The following ABCB9 variants were observed in gnomAD, a reference collection of about 807,000 sequenced individuals.
ABCB9 encodes the protein ABC-type oligopeptide transporter ABCB9.
In ABCB9, 36 loss-of-function variants were observed where a neutral mutation model predicts 62.0. The observed-to-expected ratio is 0.58, with a 90% CI of 0.45 to 0.77. The LOEUF (loss-of-function observed/expected upper bound fraction) is 0.77. ABCB9 is among the 30% of genes least tolerant of loss of function. The pLI is 0.00. For missense variants in ABCB9, 943 were observed against 1,054.7 expected, an observed-to-expected ratio of 0.89 and a Z score of 1.47; for synonymous variants, 435 against 461.4, an observed-to-expected ratio of 0.94 and a Z score of 0.73.
upstream of ABCB9, among the ~76,000 whole-genome samples, chr12:122,969,723 AC>A (rs1289107138): frequency 6.8e-6 from 1 of 146,080 alleles, no homozygotes; most frequent in Non-Finnish European, 1.5e-5. Flanking sequence ...GGCGACAGAG[AC>A]CCTGTCTCAA....
intron 2 of ABCB9, among the ~76,000 whole-genome samples, chr12:122,956,305 G>T (rs1303146564): frequency 6.6e-6 from 1 of 152,184 alleles, no homozygotes; most frequent in African/African-American, 2.4e-5. Flanking sequence ...AGAAGAGGAG[G>T]CTAAGACTTA....
upstream of ABCB9, among the ~76,000 whole-genome samples, chr12:122,969,674 C>T (rs1029226025): frequency 3.3e-5 from 5 of 150,598 alleles, no homozygotes; most frequent in Non-Finnish European, 7.4e-5. Context: ...GATGTTGAGG[C>T]TGCAATGAGC....
chr12:122,934,004 G>C (rs1162431285), intron 10 of ABCB9, among the ~76,000 whole-genome samples: 3 of 152,152 alleles, frequency 2.0e-5, no homozygotes, highest in Non-Finnish European at 4.4e-5. Flanking sequence ...ACCACTTTGG[G>C]AAGCCAAGGC....
Position 122,940,326 on chromosome 12 carries a change from G to C in ABCB9, c.1570-42C>G. Reference sequence around the variant, plus strand: ...GGCACAGTGCGGGGTTATCGGCTCAGGTCCCAGGACTGGATGCCCTGACCT... The same window carrying C: ...GGCACAGTGCGGGGTTATCGGCTCACGTCCCAGGACTGGATGCCCTGACCT... On this transcript the variant is annotated intron_variant, in intron 8 of 11. Transcript: ENST00000280560. This position sits in a 1 kb window ranked among gnomAD's most constrained non-coding sequence, Gnocchi z 4.8. 1.3e-6 allele frequency: 2 copies of C among 1,523,832 alleles called. No homozygotes were observed. The highest frequency in any genetic ancestry group is 1.8e-6 in the Non-Finnish European group (2 of 1,133,478). The allele number at this position is 1,523,832 out of a possible 1,614,324, so 94.4% of individuals were successfully genotyped here. A position where few individuals can be genotyped will look rare whatever the true frequency, so the allele number is the denominator to read the frequency against.
intron 1 of ABCB9, among the ~76,000 whole-genome samples, chr12:122,973,739 T>C (rs956905934): frequency 6.6e-6 from 1 of 151,872 alleles, no homozygotes; most frequent in African/African-American, 2.4e-5. Flanking sequence ...CGGGCGCCTG[T>C]AGTCCCAGCT....
chr12:122,932,372 CG>C lies in ABCB9; in HGVS notation c.1904-45del. On this transcript the variant is annotated intron_variant, in intron 10 of 11. Coordinates refer to ENST00000280560, the MANE Select transcript of ABCB9 (RefSeq NM_019625.4). This position sits in a 1 kb window ranked among gnomAD's most constrained non-coding sequence, Gnocchi z 4.7. ...GAGACAATTTAGCAATGGGTGAGGC[CG>C]GGCAGCACCGGGGAAGAGTGAGAGG... 8.5e-6 allele frequency: 13 copies of C among 1,521,466 alleles called. No individual in the cohort carries two copies. Among genetic ancestry groups the C allele is most frequent in the Non-Finnish European group, 1.2e-5 (13 of 1,128,384 alleles). 94.2% of individuals were successfully genotyped at this position (1,521,466 alleles called of 1,614,324 possible).
Position 122,950,489 on chromosome 12 carries a change from G to A in ABCB9, c.678C>T (p.Ser226=), listed in dbSNP as rs762618334. 6.2e-7 allele frequency: 1 copy of A among 1,613,112 alleles called. No individual in the cohort carries two copies. Among genetic ancestry groups the A allele is most frequent in the South Asian group, 1.1e-5 (1 of 91,068 alleles). The stretch of plus-strand genomic sequence containing the variant: ...GCAGGCACACGATGACGACAGCCGT[G>A]CTGAACTGATCCATGCTTTTCTGGA... ...IVIQKSMDQF[S]TAVVIVCLLA... The change falls in exon 3 of 12, where the codon AGC becomes AGT. Residue 226 remains serine (S), a synonymous_variant. Coordinates refer to ENST00000280560, the MANE Select transcript of ABCB9 (RefSeq NM_019625.4).
In ABCB9 at chr12:122,960,032, C is replaced by A; in HGVS notation, c.204G>T (p.Val68=). Residue 68 remains valine (V), a synonymous_variant, in exon 2 of 12, where the codon GTG becomes GTT. Coordinates refer to ENST00000280560, the MANE Select transcript of ABCB9 (RefSeq NM_019625.4). ...GGGGCCCCAGCGCACTGTTCTTGGC[C>A]ACACCAATGGTGGCTCCCAGCAGCA... ...SCLLLGATIG[V]AKNSALGPRR... 15 of 1,613,486 alleles carry A rather than the reference C, an allele frequency of 9.3e-6. No homozygotes were observed. The highest frequency in any genetic ancestry group is 1.3e-5 in the Non-Finnish European group (15 of 1,180,044).
intron 11 of ABCB9, among the ~76,000 whole-genome samples, chr12:122,921,703 G>T (rs1262882649): frequency 6.6e-6 from 1 of 152,158 alleles, no homozygotes; most frequent in Non-Finnish European, 1.5e-5. Flanking sequence ...CTTGAATATG[G>T]GAGGCGGGGT....
Position 122,929,919 on chromosome 12 carries a change from T to C in ABCB9, c.2293A>G (p.Lys765Glu). The change falls in exon 12 of 12, where the codon AAG becomes GAG. Residue 765 changes from lysine (K) to glutamate (E), a missense_variant. Coordinates refer to ENST00000280560, the MANE Select transcript of ABCB9 (RefSeq NM_019625.4). The surrounding 1 kb of genome is among the most constrained non-coding windows in gnomAD (Gnocchi z 6.0). Reference sequence around the variant, plus strand: ...GAAGCAGGGGCCCCCCATCAGGCCTTGTGACTGCCGTTGGCTACAGGCTCG... The same window carrying C: ...GAAGCAGGGGCCCCCCATCAGGCCTCGTGACTGCCGTTGGCTACAGGCTCG... ...HNEPVANGSH[K>E]A 1.3e-6 allele frequency: 2 copies of C among 1,549,266 alleles called. No individual in the cohort carries two copies. Among genetic ancestry groups the C allele is most frequent in the African/African-American group, 1.3e-5 (1 of 74,214 alleles).
At chr12:122,926,068 G>A (rs890462728), downstream of ABCB9, among the ~76,000 whole-genome samples, 7 of 152,126 alleles carry the variant, frequency 4.6e-5, no homozygotes, top group African/African-American at 1.2e-4. Flanking sequence ...GAATGCTGGC[G>A]GCCAGGGGCT....
intron 5 of ABCB9, among the ~76,000 whole-genome samples, chr12:122,946,758 T>A (rs962276061): frequency 1.7e-4 from 26 of 152,342 alleles, no homozygotes; most frequent in African/African-American, 6.0e-4. Flanking sequence ...GGTTGTGAAA[T>A]CTGCCCACAC....
rs2036777976 is a variant in ABCB9 at position 122,959,509 on chromosome 12, C to T, written c.601+126G>A. 2 of 1,445,522 alleles carry T rather than the reference C, an allele frequency of 1.4e-6. No individual in the cohort carries two copies. The highest frequency in any genetic ancestry group is 1.9e-6 in the Non-Finnish European group (2 of 1,079,242). The allele number at this position is 1,445,522 out of a possible 1,614,324, so 89.5% of individuals were successfully genotyped here. ...TATAGATATGAGCCACTATGCCTGG[C>T]CTCTTTTCCTTTTCATATCAATTTG... On this transcript the variant is annotated intron_variant, in intron 2 of 11. Coordinates refer to ENST00000280560, the MANE Select transcript of ABCB9 (RefSeq NM_019625.4). The surrounding 1 kb of genome is among the most constrained non-coding windows in gnomAD (Gnocchi z 5.4).
At chr12:122,938,893 G>A (rs181913502) in intron 9 of ABCB9, among the ~76,000 whole-genome samples, 1 of 150,778 alleles carries the variant, frequency 6.6e-6, no homozygotes, top group East Asian at 2.0e-4. Flanking sequence ...ACAACCCAGC[G>A]AGGCACGGTG....
chr12:122,959,945 GGCATA>G lies in ABCB9; in HGVS notation c.286_290del (p.Tyr96HisfsTer59), dbSNP rs1283633681. The G allele has an allele frequency of 6.2e-7, 1 of 1,613,232 alleles. No individual in the cohort carries two copies. Among genetic ancestry groups the G allele is most frequent in the East Asian group, 2.2e-5 (1 of 44,898 alleles). On this transcript the variant is annotated frameshift_variant, in exon 2 of 12. Coordinates refer to ENST00000280560, the MANE Select transcript of ABCB9 (RefSeq NM_019625.4). LOFTEE classifies it high-confidence loss of function. The surrounding 1 kb of genome is among the most constrained non-coding windows in gnomAD (Gnocchi z 5.4). ...CTGAGAAGAGCAGCAGCTTCACCAT[GGCATA>G]GATGCCCACGAAGAGGCACACGAGG... is the stretch of plus-strand genomic sequence containing the variant.
chr12:122,944,530 G>A lies in ABCB9; in HGVS notation c.1252-11C>T, dbSNP rs776732679. On this transcript the variant is annotated splice_polypyrimidine_tract_variant and intron_variant, in intron 6 of 11. Coordinates refer to ENST00000280560, the MANE Select transcript of ABCB9 (RefSeq NM_019625.4). The surrounding 1 kb of genome is among the most constrained non-coding windows in gnomAD (Gnocchi z 4.9). Reference sequence around the variant, plus strand: ...CACCAGCAGTGTGAGCTGGGGCAGAGGGAGAGGGGATGTGGGTCGAGGGGA... The same window carrying A: ...CACCAGCAGTGTGAGCTGGGGCAGAAGGAGAGGGGATGTGGGTCGAGGGGA... 6.2e-7 allele frequency: 1 copy of A among 1,613,380 alleles called. No individual in the cohort carries two copies. Among genetic ancestry groups the A allele is most frequent in the East Asian group, 2.2e-5 (1 of 44,868 alleles).
chr12:122,933,558 A>G (rs1481766284), intron 10 of ABCB9, among the ~76,000 whole-genome samples: 1 of 149,822 alleles, frequency 6.7e-6, no homozygotes, highest in Non-Finnish European at 1.5e-5. Context: ...CATCTCAAGA[A>G]AAAAAAAAAA....
rs1490625980 is a variant in ABCB9 at position 122,923,296 on chromosome 12, TA to T, written c.2041-2254del. Reference sequence around the variant, plus strand: ...CACCAGTACTTCTTATTTATTTATTTATTTTTTTTGAGACGGAGTCTCGCTC... The same window carrying T: ...CACCAGTACTTCTTATTTATTTATTTTTTTTTTTGAGACGGAGTCTCGCTC... On this transcript the variant is annotated intron_variant, in intron 11 of 11. Coordinates refer to the ABCB9 transcript ENST00000344275. Among the ~76,000 whole-genome samples the T allele has an allele frequency of 2.6e-5, 4 of 152,066 alleles. No homozygotes were observed. In the East Asian group the frequency reaches 7.7e-4, roughly 29 times the overall value.
Position 122,930,268 on chromosome 12 carries a change from G to C in ABCB9, c.2041-97C>G. On this transcript the variant is annotated intron_variant, in intron 11 of 11. Coordinates refer to ENST00000280560, the MANE Select transcript of ABCB9 (RefSeq NM_019625.4). This position sits in a 1 kb window ranked among gnomAD's most constrained non-coding sequence, Gnocchi z 4.9. ...CTATGGGCTGATGCTTAACCTCTCT[G>C]AGGCTCAGTTCACAAACGATGGCCA... The C allele has an allele frequency of 8.0e-7, 1 of 1,249,092 alleles. No individual in the cohort carries two copies. Among genetic ancestry groups the C allele is most frequent in the South Asian group, 1.5e-5 (1 of 66,948 alleles). The allele number at this position is 1,249,092 out of a possible 1,614,324, so 77.4% of individuals were successfully genotyped here. A position where few individuals can be genotyped will look rare whatever the true frequency, so the allele number is the denominator to read the frequency against.
Sources: allele counts gnomAD v4.1 joint callset (sites outside exome capture counted in the v4.1 genomes callset), GRCh38; gene constraint gnomAD v4.1.1; non-coding constraint Gnocchi (gnomAD v3.1); transcripts MANE v1.5; gene names NCBI Gene and HGNC (gene_info 2026-07-23, HGNC 2026-07-21).